GNA15: variants seen among roughly 807,000 people sequenced by gnomAD.
The protein encoded by GNA15 is G protein subunit alpha 15, also known as guanine nucleotide-binding protein subunit alpha-15.
A neutral mutation model predicts 40.1 loss-of-function variants in GNA15; 23 were observed. The ratio of observed to expected loss-of-function variants is 0.57; its 90% CI spans 0.41 to 0.81. The LOEUF is 0.81. Ranked by LOEUF, GNA15 falls within the 40% of genes least tolerant of loss-of-function variation. The probability of loss-of-function intolerance (pLI) is 0.00; values close to 1 mark genes in which losing one functional copy is unlikely to be tolerated. For synonymous variants in GNA15, 226 were observed against 210.4 expected (o/e 1.07, Z -0.64); for missense variants, 522 against 515.8 (o/e 1.01, Z -0.12).
intron 1 of GNA15, among the ~76,000 whole-genome samples, chr19:3,137,981 T>A (rs550962926): frequency 6.6e-6 from 1 of 151,530 alleles, no homozygotes; most frequent in East Asian, 1.9e-4. Flanking sequence ...TAAATATAAA[T>A]AAAATAAATA....
rs1240562563 is a variant in GNA15, at chr19:3,136,393, C to T, written c.-58C>T. On this transcript the variant is annotated 5_prime_UTR_variant, in exon 1 of 7. Transcript: ENST00000262958. The surrounding 1 kb of genome is among the most constrained non-coding windows in gnomAD (Gnocchi z 4.9). ...CAGGGCCGGCTGGGCTGGGGGTTGC[C>T]CTGGCCAGCAGGGGCCCGGGGGCGA... The T allele has an allele frequency of 1.3e-6, 2 of 1,521,226 alleles. No individual in the cohort carries two copies. Among genetic ancestry groups the T allele is most frequent in the African/African-American group, 2.8e-5 (2 of 72,052 alleles). 94.2% of individuals were successfully genotyped at this position (1,521,226 alleles called of 1,614,324 possible). A position where few individuals can be genotyped will look rare whatever the true frequency, so the allele number is the denominator to read the frequency against.
intron 1 of GNA15, among the ~76,000 whole-genome samples, chr19:3,144,506 G>GTTTA (rs1387271480): frequency 5.3e-5 from 8 of 151,924 alleles, no homozygotes; most frequent in African/African-American, 9.6e-5. Context: ...TGAGTAGTTT[G>GTTTA]TTTGTTTATT....
chr19:3,155,865 G>A lies in GNA15; in HGVS notation c.657G>A (p.Trp219Ter). ...VGGQKSERKK[W>*]IHCFENVIAL... ...GCCAGAAGTCAGAGCGTAAGAAATG[G>A]ATCCATTGTTTCGAGAACGTGATCG... Residue 219 changes from tryptophan (W) to a stop codon, truncating the protein, a stop_gained, in exon 5 of 7, where the codon TGG (tryptophan) becomes TGA (stop). Transcript: ENST00000262958. LOFTEE classifies it high-confidence loss of function. The surrounding 1 kb of genome is among the most constrained non-coding windows in gnomAD (Gnocchi z 5.6). 6.2e-7 allele frequency: 1 copy of A among 1,614,068 alleles called. No individual in the cohort carries two copies.
At chr19:3,142,898 A>G (rs1409848546) in intron 1 of GNA15, among the ~76,000 whole-genome samples, 1 of 151,582 alleles carries the variant, frequency 6.6e-6, no homozygotes, top group African/African-American at 2.4e-5. Flanking sequence ...AACAAAAAGT[A>G]AAAAAAAGGA....
At chr19:3,162,717 A>G in intron 6 of GNA15, 76 bp from the exon 7 acceptor site, 1 of 897,778 alleles carries the variant, frequency 1.1e-6, no homozygotes, top group Non-Finnish European at 1.8e-6. Flanking sequence ...TGCTGGTTAC[A>G]GGGAAGAGGG....
chr19:3,160,835 C>T (rs1915124229), intron 6 of GNA15, among the ~76,000 whole-genome samples: 1 of 152,106 alleles, frequency 6.6e-6, no homozygotes, highest in Non-Finnish European at 1.5e-5. Context: ...TCTCTGCCTC[C>T]ATGTTCACAT....
At position 3,137,573 on chromosome 19, in the gene GNA15, G is replaced by A. The variant is rs143172650; in HGVS notation, c.145+978G>A. Among the ~76,000 whole-genome samples the A allele has an allele frequency of 1.6e-3, 250 of 151,982 alleles. 2 individuals are homozygous for A. The highest frequency in any genetic ancestry group is 5.4e-3 in the African/African-American group (225 of 41,446). ...CCGAGGTGGGTGGATCACAAGGTCG[G>A]GAGATCGAGACCAGCCTGACCAACA... On this transcript the variant is annotated intron_variant, in intron 1 of 6. Coordinates refer to ENST00000262958, the MANE Select transcript of GNA15 (RefSeq NM_002068.4).
At chr19:3,140,144 CTTA>C (rs1293651136) in intron 1 of GNA15, among the ~76,000 whole-genome samples, 1 of 150,974 alleles carries the variant, frequency 6.6e-6, no homozygotes, top group Non-Finnish European at 1.5e-5. Flanking sequence ...ATCGATATGT[CTTA>C]TTATTTTAAA....
intron 4 of GNA15, among the ~76,000 whole-genome samples, chr19:3,152,278 GAAAAA>G (rs1374583882): frequency 2.6e-4 from 40 of 152,162 alleles, no homozygotes; most frequent in Non-Finnish European, 4.9e-4. Flanking sequence ...AGGAAACTCA[GAAAAA>G]GGAGGAGCCA....
rs970195276 is a variant in GNA15 at position 3,136,087 on chromosome 19, T to G, written c.-364T>G. On this transcript the variant is annotated 5_prime_UTR_variant, in exon 1 of 7. Transcript: ENST00000262958. The surrounding 1 kb of genome is among the most constrained non-coding windows in gnomAD (Gnocchi z 4.9). The stretch of plus-strand genomic sequence containing the variant: ...CACAGGACCCAGTCTGCGGTGGGGG[T>G]TTTCCCGCCACCGCCCCGCCCTCCC... The G allele has an allele frequency of 1.2e-5, 2 of 172,478 alleles. No homozygotes were observed. The highest frequency in any genetic ancestry group is 1.6e-4 in the East Asian group (1 of 6,092). 10.7% of individuals were successfully genotyped at this position (172,478 alleles called of 1,614,324 possible).
chr19:3,144,040 C>T (rs560471491), intron 1 of GNA15, among the ~76,000 whole-genome samples: 2 of 150,608 alleles, frequency 1.3e-5, no homozygotes, highest in South Asian at 2.1e-4. Context: ...AGGAGAATGG[C>T]GTGAACCCGG....
intron 1 of GNA15, among the ~76,000 whole-genome samples, chr19:3,139,517 C>T (rs925063729): frequency 6.0e-5 from 9 of 149,746 alleles, no homozygotes; most frequent in Admixed American, 3.3e-4. Flanking sequence ...ATCACTTGAG[C>T]CTGGGAGGTT....
chr19:3,139,367 G>A (rs1278151695), intron 1 of GNA15, among the ~76,000 whole-genome samples: 1 of 150,524 alleles, frequency 6.6e-6, no homozygotes, highest in Non-Finnish European at 1.5e-5. Flanking sequence ...TGGGAGGATT[G>A]CTTGAGCTTA....
At chr19:3,148,515 T>C in intron 1 of GNA15, 76 bp from the exon 2 acceptor site, 1 of 1,381,342 alleles carries the variant, frequency 7.2e-7, no homozygotes, top group Non-Finnish European at 9.7e-7. Context: ...GAGTTGGGGG[T>C]GTCTGACGTG....
chr19:3,156,298 C>A (rs767272353), intron 5 of GNA15, among the ~76,000 whole-genome samples: 86 of 151,474 alleles, frequency 5.7e-4, no homozygotes, highest in Non-Finnish European at 7.7e-4. Context: ...ACACGGGACA[C>A]ATGTACACAC....
At chr19:3,145,359 A>ATATATATATATTTTT in intron 1 of GNA15, among the ~76,000 whole-genome samples, 26 of 46,964 alleles carry the variant, frequency 5.5e-4, no homozygotes, top group African/African-American at 1.7e-3. Flanking sequence ...ATATATATAT[A>ATATATATATATTTTT]TTTTTTTTTT....
At chr19:3,137,154 C>T (rs1041886798) in intron 1 of GNA15, among the ~76,000 whole-genome samples, 7 of 152,204 alleles carry the variant, frequency 4.6e-5, no homozygotes, top group Non-Finnish European at 1.5e-5. Context: ...CTCCCAGGAA[C>T]GAGGCAGCCA....
At chr19:3,152,187 G>A (rs1914897570) in intron 4 of GNA15, among the ~76,000 whole-genome samples, 1 of 152,192 alleles carries the variant, frequency 6.6e-6, no homozygotes, top group Admixed American at 6.5e-5. Context: ...CAGGTCTGGG[G>A]AGGCCTGGTC....
At position 3,136,656 on chromosome 19, in the gene GNA15, G is replaced by T. The variant is rs1914465984; in HGVS notation, c.145+61G>T. 1.1e-5 allele frequency: 16 copies of T among 1,471,266 alleles called. No individual in the cohort carries two copies. The highest frequency in any genetic ancestry group is 1.4e-5 in the Non-Finnish European group (15 of 1,080,930). 91.1% of individuals were successfully genotyped at this position (1,471,266 alleles called of 1,614,324 possible). ...AGTGGGCGGTGGCCAGCCGGCAGGG[G>T]TGTCGGGGCAAGGAGGCGGATCAGG... On this transcript the variant is annotated intron_variant, in intron 1 of 6. Coordinates refer to ENST00000262958, the MANE Select transcript of GNA15 (RefSeq NM_002068.4). This position sits in a 1 kb window ranked among gnomAD's most constrained non-coding sequence, Gnocchi z 4.9.
Sources: allele counts gnomAD v4.1 joint callset (sites outside exome capture counted in the v4.1 genomes callset), GRCh38; gene constraint gnomAD v4.1.1; non-coding constraint Gnocchi (gnomAD v3.1); transcripts MANE v1.5; gene names NCBI Gene and HGNC (gene_info 2026-07-23, HGNC 2026-07-21).